Variants in MAN1C1 observed in about 807,000 individuals in gnomAD.
The protein encoded by MAN1C1 is mannosyl-oligosaccharide 1,2-alpha-mannosidase IC.
A neutral mutation model predicts 71.5 loss-of-function variants in MAN1C1; 49 were observed. The ratio of observed to expected loss-of-function variants is 0.69; its 90% CI spans 0.54 to 0.87. MAN1C1 has a LOEUF of 0.87. Ranked by LOEUF, MAN1C1 falls within the 40% of genes least tolerant of loss-of-function variation. MAN1C1 has a pLI of 0.00. For missense variants in MAN1C1, 743 were observed against 835.0 expected, an observed-to-expected ratio of 0.89 and a Z score of 1.36; for synonymous variants, 352 against 343.7, an observed-to-expected ratio of 1.02 and a Z score of -0.27.
intron 2 of MAN1C1, among the ~76,000 whole-genome samples, chr1:25,698,673 C>T (rs1466167135): frequency 6.6e-6 from 1 of 152,098 alleles, no homozygotes; most frequent in Non-Finnish European, 1.5e-5. Context: ...TTACTGGGGC[C>T]GGGTGCAGTG....
chr1:25,688,068 T>C (rs2046259345), intron 2 of MAN1C1, among the ~76,000 whole-genome samples: 1 of 152,252 alleles, frequency 6.6e-6, no homozygotes, highest in African/African-American at 2.4e-5. Flanking sequence ...TTTAACTATC[T>C]TGCTAATGTT....
chr1:25,632,564 T>A (rs2045398339), intron 1 of MAN1C1, among the ~76,000 whole-genome samples: 1 of 152,210 alleles, frequency 6.6e-6, no homozygotes, highest in African/African-American at 2.4e-5. Flanking sequence ...TTATTGTTTC[T>A]GTAGTTCCTT....
intron 9 of MAN1C1, 98 bp from the exon 10 acceptor site, chr1:25,780,842 C>T (rs1284289580): frequency 9.8e-6 from 13 of 1,329,306 alleles, no homozygotes; most frequent in Admixed American, 1.8e-5. Flanking sequence ...CTGACATCAC[C>T]CTGGCCGCGG....
At position 25,730,402 on chromosome 1, in the gene MAN1C1, ATT is replaced by A. The variant is rs34222406; in HGVS notation, c.638-16252_638-16251del. On this transcript the variant is annotated intron_variant, in intron 2 of 11. Coordinates refer to ENST00000374332, the MANE Select transcript of MAN1C1 (RefSeq NM_020379.4). The surrounding 1 kb of genome is among the most constrained non-coding windows in gnomAD (Gnocchi z 4.3). The stretch of plus-strand genomic sequence containing the variant: ...CTGAAAGCCACACTGCCAAAATCAG[ATT>A]TTTTTTTTTTTTTAGTTTTCTCAGC... Among the ~76,000 whole-genome samples, 19 of 145,904 alleles carry A rather than the reference ATT, an allele frequency of 1.3e-4. No homozygotes were observed. In the South Asian group the frequency reaches 2.6e-3, roughly 20 times the overall value.
chr1:25,768,549 C>T (rs1350144471), intron 7 of MAN1C1, among the ~76,000 whole-genome samples: 7 of 90,992 alleles, frequency 7.7e-5, no homozygotes, highest in Non-Finnish European at 7.0e-5. Flanking sequence ...ACACACACCA[C>T]ACACACATTA....
rs71577794 is a variant in MAN1C1 at position 25,717,999 on chromosome 1, TACACAC to T, written c.638-28647_638-28642del. 2.4e-4 allele frequency among the ~76,000 whole-genome samples: 35 copies of T among 148,494 alleles called. 1 individual carries two copies. Among genetic ancestry groups the T allele is most frequent in the Non-Finnish European group, 4.0e-4 (27 of 66,788 alleles). On this transcript the variant is annotated intron_variant, in intron 2 of 11. Coordinates refer to ENST00000374332, the MANE Select transcript of MAN1C1 (RefSeq NM_020379.4). ...GTTGATATCACACTATAGCTTTATTTACACACACACACACACACACACACACATAGC... is the reference window on the plus strand; with the variant it reads ...GTTGATATCACACTATAGCTTTATTTACACACACACACACACACACATAGC...
At position 25,748,575 on chromosome 1, in the gene MAN1C1, T is replaced by C. The variant is rs571421819; in HGVS notation, c.754-680T>C. Among the ~76,000 whole-genome samples the C allele has an allele frequency of 3.9e-5, 6 of 152,304 alleles. No homozygotes were observed. In the East Asian group the frequency reaches 1.2e-3, roughly 29 times the overall value. ...GCAGGGAAAGGCTGCACATCTTTTC[T>C]GAGGTGCCAAAGCCAGGTCAGTGGC... On this transcript the variant is annotated intron_variant, in intron 3 of 11. Coordinates refer to ENST00000374332, the MANE Select transcript of MAN1C1 (RefSeq NM_020379.4).
chr1:25,638,732 TGAG>T (rs2045498259), intron 1 of MAN1C1, among the ~76,000 whole-genome samples: 1 of 152,156 alleles, frequency 6.6e-6, no homozygotes. Context: ...TTCTTTCTGA[TGAG>T]AAGTTACAGG....
intron 2 of MAN1C1, chr1:25,709,586 C>T (rs1430330610): frequency 6.6e-6 from 1 of 152,188 alleles, no homozygotes; most frequent in African/African-American, 2.4e-5. Context: ...TCCCCGCCGT[C>T]TTGGTTACAG....
At chr1:25,689,743 G>A (rs1005947742) in intron 2 of MAN1C1, among the ~76,000 whole-genome samples, 1 of 152,190 alleles carries the variant, frequency 6.6e-6, no homozygotes, top group Non-Finnish European at 1.5e-5. Flanking sequence ...CCTATAGGCT[G>A]AGCCCTGCAG....
At chr1:25,681,244 A>G (rs1471705680) in intron 1 of MAN1C1, among the ~76,000 whole-genome samples, 5 of 151,920 alleles carry the variant, frequency 3.3e-5, no homozygotes, top group African/African-American at 1.2e-4. Context: ...AAAAAAAGAA[A>G]AGAAAAGAAA....
chr1:25,665,614 TC>T (rs1345789746), intron 1 of MAN1C1, among the ~76,000 whole-genome samples: 1 of 150,612 alleles, frequency 6.6e-6, no homozygotes, highest in Non-Finnish European at 1.5e-5. Flanking sequence ...AAGTTGGGAG[TC>T]TTTAGGTTTT....
At chr1:25,635,551 G>A (rs1253592984) in intron 1 of MAN1C1, among the ~76,000 whole-genome samples, 1 of 151,274 alleles carries the variant, frequency 6.6e-6, no homozygotes, top group Non-Finnish European at 1.5e-5. Flanking sequence ...CCGAGTTCAA[G>A]TGATTCTCCT....
intron 1 of MAN1C1, among the ~76,000 whole-genome samples, chr1:25,657,222 G>C (rs1049785871): frequency 1.2e-4 from 18 of 152,202 alleles, no homozygotes; most frequent in Non-Finnish European, 1.3e-4. Context: ...CCATTACCCA[G>C]GGCACAGTTC....
intron 2 of MAN1C1, among the ~76,000 whole-genome samples, chr1:25,702,861 G>T (rs973164986): frequency 2.6e-5 from 4 of 152,188 alleles, no homozygotes; most frequent in African/African-American, 9.7e-5. Flanking sequence ...TGGCATCTTT[G>T]CGTGCCAGTG....
Position 25,664,834 on chromosome 1 carries a change from T to C in MAN1C1, c.541-21606T>C, listed in dbSNP as rs886593563. 6.6e-5 allele frequency among the ~76,000 whole-genome samples: 10 copies of C among 152,354 alleles called. No homozygotes were observed. In the East Asian group the frequency reaches 9.6e-4, roughly 15 times the overall value. On this transcript the variant is annotated intron_variant, in intron 1 of 11. Transcript: ENST00000374332. Reference sequence around the variant, plus strand: ...ATATAAGGAGGCAATTATCTCACGATTGGACATGCTGGTGGCCCAGTCTCC... The same window carrying C: ...ATATAAGGAGGCAATTATCTCACGACTGGACATGCTGGTGGCCCAGTCTCC...
chr1:25,715,294 G>A (rs2046665982), intron 2 of MAN1C1, among the ~76,000 whole-genome samples: 1 of 152,242 alleles, frequency 6.6e-6, no homozygotes, highest in African/African-American at 2.4e-5. Context: ...CCAAGGCCTA[G>A]GTCACATGAT....
At chr1:25,638,961 CTTTTA>C (rs1161657980) in intron 1 of MAN1C1, among the ~76,000 whole-genome samples, 1 of 152,068 alleles carries the variant, frequency 6.6e-6, no homozygotes, top group Non-Finnish European at 1.5e-5. Context: ...ATCTCCTTTT[CTTTTA>C]TAACTCCAGT....
At position 25,771,682 on chromosome 1, in the gene MAN1C1, G is replaced by C; in HGVS notation, c.1167G>C (p.Gly389=). 23 of 1,614,110 alleles carry C rather than the reference G, an allele frequency of 1.4e-5. No individual in the cohort carries two copies. Among genetic ancestry groups the C allele is most frequent in the Non-Finnish European group, 1.9e-5 (23 of 1,179,940 alleles). Reference sequence around the variant, plus strand: ...ACCATGTCTCAGTTGGAGGACTCGGGGACAGTTTTTATGAATATTTGATCA... The same window carrying C: ...ACCATGTCTCAGTTGGAGGACTCGGCGACAGTTTTTATGAATATTTGATCA... ...VQHHVSVGGL[G]DSFYEYLIKS... Residue 389 remains glycine (G), a synonymous_variant, in exon 8 of 12, where the codon GGG becomes GGC. Transcript: ENST00000374332.
Sources: gnomAD v4.1 joint callset for allele counts (sites outside exome capture counted in the v4.1 genomes callset) on GRCh38, gnomAD v4.1.1 for gene constraint, Gnocchi (gnomAD v3.1) non-coding constraint, MANE v1.5 for transcripts, NCBI Gene and HGNC (gene_info 2026-07-23, HGNC 2026-07-21) for gene names.